The following SPTBN2 variants were observed in gnomAD, a reference collection of about 807,000 sequenced individuals.
SPTBN2 encodes spectrin beta chain, non-erythrocytic 2.
SPTBN2 carries 107 observed loss-of-function variants against 284.2 expected under a neutral mutation model. The ratio of observed to expected loss-of-function variants is 0.38; its 90% confidence interval spans 0.32 to 0.44. The LOEUF (loss-of-function observed/expected upper bound fraction) is 0.44. Ranked by LOEUF, SPTBN2 falls within the 20% of genes least tolerant of loss-of-function variation. SPTBN2 has a pLI of 1.00. For missense variants in SPTBN2, 2,569 were observed against 3,287.1 expected (o/e 0.78, Z 5.34); for synonymous variants, 1,289 against 1,354.8 (o/e 0.95, Z 1.07).
chr11:66,707,712 G>T lies in SPTBN2; in HGVS notation c.1457C>A (p.Ala486Asp), dbSNP rs763948508. The change falls in exon 13 of 38, where the codon GCC becomes GAC. Residue 486 changes from alanine to aspartate, a missense_variant. Coordinates refer to ENST00000533211, the MANE Select transcript of SPTBN2 (RefSeq NM_006946.4). The surrounding 1 kb of genome is among the most constrained non-coding windows in gnomAD (Gnocchi z 4.9). ...AYSGRVQAVD[A>D]VAAELAAERY... ...CTCGGCGGCCAGCTCTGCAGCCACG[G>T]CGTCCACTGCCTGCACCCGGCCGCT... 2.9e-5 allele frequency: 46 copies of T among 1,605,044 alleles called. No homozygotes were observed. Among genetic ancestry groups the T allele is most frequent in the Non-Finnish European group, 3.7e-5 (44 of 1,178,758 alleles).
chr11:66,688,918 G>A (rs999573055), intron 30 of SPTBN2, 69 bp from the exon 31 acceptor site: 73 of 1,567,432 alleles, frequency 4.7e-5, no homozygotes, highest in East Asian at 2.2e-4. Flanking sequence ...AGTGGCCATG[G>A]CAACCTCAAG....
At position 66,688,242 on chromosome 11, in the gene SPTBN2, G is replaced by C. The variant is rs780592625; in HGVS notation, c.6301C>G (p.Pro2101Ala). ...GGAGGCACACTGGCTGTGGGTTCGG[G>C]AGCAGGCGGCTGTTTCCGCCGCTCC... ...EEERRKQPPA[P>A]EPTASVPPGD... Residue 2101 changes from proline to alanine, a missense_variant, in exon 32 of 38, where the codon CCC becomes GCC. This residue lies in a region of SPTBN2 where 1,130 missense variants were observed against 1,317.3 expected (regional missense o/e 0.86). Transcript: ENST00000533211. The C allele has an allele frequency of 6.2e-7, 1 of 1,613,382 alleles. No homozygotes were observed. Among genetic ancestry groups the C allele is most frequent in the Non-Finnish European group, 8.5e-7 (1 of 1,179,934 alleles).
intron 1 of SPTBN2, among the ~76,000 whole-genome samples, chr11:66,742,574 G>C (rs1040326343): frequency 6.6e-6 from 1 of 152,028 alleles, no homozygotes; most frequent in African/African-American, 2.4e-5. Flanking sequence ...CCATTCTCAA[G>C]GTGGAGCATT....
At chr11:66,723,355 GTC>G (rs1942505360) in intron 1 of SPTBN2, among the ~76,000 whole-genome samples, 1 of 152,066 alleles carries the variant, frequency 6.6e-6, no homozygotes, top group South Asian at 2.1e-4. Context: ...CAGGGCTGTA[GTC>G]TCGGTAGTCT....
intron 8 of SPTBN2, among the ~76,000 whole-genome samples, chr11:66,711,862 C>G (rs1456197691): frequency 1.3e-5 from 2 of 152,244 alleles, no homozygotes; most frequent in Non-Finnish European, 2.9e-5. Flanking sequence ...ATGTCTGTTG[C>G]TAGCTCGCTG....
In SPTBN2 at chr11:66,687,668, G is replaced by A. The variant is rs768176183; in HGVS notation, c.6502-21C>T. On this transcript the variant is annotated intron_variant, in intron 34 of 37. Coordinates refer to ENST00000533211, the MANE Select transcript of SPTBN2 (RefSeq NM_006946.4). The surrounding 1 kb of genome is among the most constrained non-coding windows in gnomAD (Gnocchi z 5.2). ...GGTCCCTGGGGGGGAATCAGTGTCA[G>A]TGTCAAAGGTTGAGACGGGAGATCC... 1 of 1,581,372 alleles carries A rather than the reference G, an allele frequency of 6.3e-7. No individual in the cohort carries two copies. Among genetic ancestry groups the A allele is most frequent in the African/African-American group, 1.3e-5 (1 of 74,342 alleles).
chr11:66,714,382 TCTGTCTC>T lies in SPTBN2; in HGVS notation c.502_508del (p.Glu168LysfsTer19). On this transcript the variant is annotated frameshift_variant, in exon 6 of 38. Coordinates refer to ENST00000533211, the MANE Select transcript of SPTBN2 (RefSeq NM_006946.4). LOFTEE classifies it high-confidence loss of function. The stretch of plus-strand genomic sequence containing the variant: ...GGCTGACTTCTTCTCCTTGTTGTCT[TCTGTCTC>T]CACACTGATGTCTTGGATCTAGGAA... 1.2e-6 allele frequency: 2 copies of T among 1,614,018 alleles called. No homozygotes were observed. The highest frequency in any genetic ancestry group is 1.7e-6 in the Non-Finnish European group (2 of 1,179,964).
In SPTBN2 at chr11:66,710,577, C is replaced by G. The variant is rs375955100; in HGVS notation, c.1073+5G>C. On this transcript the variant is annotated splice_donor_5th_base_variant and intron_variant, in intron 10 of 37. Transcript: ENST00000533211. The surrounding 1 kb of genome is among the most constrained non-coding windows in gnomAD (Gnocchi z 4.9). ...AGGGAAGGGTGGGGCCCCAGGGACA[C>G]CTACTTGGGCGGCTTCTCCACGGTG... The G allele has an allele frequency of 6.2e-7, 1 of 1,613,054 alleles. No individual in the cohort carries two copies. The highest frequency in any genetic ancestry group is 8.5e-7 in the Non-Finnish European group (1 of 1,179,700).
At position 66,683,841 on chromosome 11, in the gene SPTBN2, C is replaced by A. The variant is rs903002113; in HGVS notation, c.*2030G>T. ...TGCAAATACCTAGATTCCCTGAGCA[C>A]CCCCAAGGTATGACTGTCTCTTCAG... is the stretch of plus-strand genomic sequence containing the variant. On this transcript the variant is annotated 3_prime_UTR_variant, in exon 38 of 38. Coordinates refer to ENST00000533211, the MANE Select transcript of SPTBN2 (RefSeq NM_006946.4). Among the ~76,000 whole-genome samples, 11 of 152,224 alleles carry A rather than the reference C, an allele frequency of 7.2e-5. No homozygotes were observed. The highest frequency in any genetic ancestry group is 2.7e-4 in the African/African-American group (11 of 41,452).
chr11:66,695,271 T>A (rs554720435), intron 21 of SPTBN2, among the ~76,000 whole-genome samples: 1 of 152,352 alleles, frequency 6.6e-6, no homozygotes, highest in Admixed American at 6.5e-5. Context: ...TTAAAAAATT[T>A]TTTGAGACAA....
At position 66,710,444 on chromosome 11, in the gene SPTBN2, T is replaced by C. The variant is rs955758478; in HGVS notation, c.1073+138A>G. Reference sequence around the variant, plus strand: ...AAATTTTATTTTGTATCAACTATGTTGTTTGGATGCTTCTGGTGTGGGAAA... The same window carrying C: ...AAATTTTATTTTGTATCAACTATGTCGTTTGGATGCTTCTGGTGTGGGAAA... On this transcript the variant is annotated intron_variant, in intron 10 of 37. Transcript: ENST00000533211. This position sits in a 1 kb window ranked among gnomAD's most constrained non-coding sequence, Gnocchi z 4.9. 3.4e-5 allele frequency: 29 copies of C among 865,476 alleles called. No individual in the cohort carries two copies. The highest frequency in any genetic ancestry group is 3.5e-4 in the Middle Eastern group (1 of 2,888). 53.6% of individuals were successfully genotyped at this position (865,476 alleles called of 1,614,324 possible). A position where few individuals can be genotyped will look rare whatever the true frequency, so the allele number is the denominator to read the frequency against.
Position 66,686,427 on chromosome 11 carries a change from T to C in SPTBN2, c.6910A>G (p.Lys2304Glu). 6.2e-7 allele frequency: 1 copy of C among 1,614,046 alleles called. No individual in the cohort carries two copies. The change falls in exon 37 of 38, where the codon AAA becomes GAA. Residue 2304 changes from lysine to glutamate, a missense_variant. This residue lies in a region of SPTBN2 where 1,130 missense variants were observed against 1,317.3 expected (regional missense o/e 0.86). Transcript: ENST00000533211. ...TCCTTGGCCTGGAATAAATATTCTT[T>C]TCCATCCTGTAAGCTGTTGGGAGAG... Reference protein sequence around the residue: ...HVFKLGLQDGKEYLFQAKDEA... With the variant: ...HVFKLGLQDGEEYLFQAKDEA...
intron 32 of SPTBN2, 38 bp from the exon 33 acceptor site, chr11:66,688,117 T>C (rs1160874520): frequency 6.2e-7 from 1 of 1,613,628 alleles, no homozygotes; most frequent in Admixed American, 1.7e-5. Flanking sequence ...CATTAGTCCC[T>C]GGGTGGCCTG....
intron 6 of SPTBN2, 51 bp from the exon 7 acceptor site, chr11:66,714,222 GACTCCAGGGCAGTCACCAGCTCATGGTTC>G: frequency 6.2e-7 from 1 of 1,608,956 alleles, no homozygotes; most frequent in African/African-American, 1.3e-5. Context: ...TCTGTTCTAT[GACTCCAGGGCAGTCACCAGCTCATGGTTC>G]CTGGAGCCCA....
intron 21 of SPTBN2, 132 bp downstream of exon 21, chr11:66,696,145 G>A (rs1455699985): frequency 2.6e-6 from 3 of 1,173,410 alleles, no homozygotes; most frequent in Non-Finnish European, 3.7e-6. Context: ...GATACTGGCT[G>A]CCCAAAGAAA....
rs145439505 is a variant in SPTBN2 at position 66,735,275 on chromosome 11, G to A, written c.-474-6083C>T. Among the ~76,000 whole-genome samples, 452 of 151,752 alleles carry A rather than the reference G, an allele frequency of 3.0e-3. 1 individual carries two copies. Among genetic ancestry groups the A allele is most frequent in the Middle Eastern group, 6.8e-3 (2 of 294 alleles). On this transcript the variant is annotated intron_variant, in intron 1 of 37. Coordinates refer to the SPTBN2 transcript ENST00000611817. The stretch of plus-strand genomic sequence containing the variant: ...TTGAACCCAGGAGGCAGAAGTTGCA[G>A]TGAGTCGAGATTGTGCCACTACACT...
chr11:66,738,789 C>T (rs1227674126), intron 1 of SPTBN2, among the ~76,000 whole-genome samples: 1 of 152,036 alleles, frequency 6.6e-6, no homozygotes, highest in African/African-American at 2.4e-5. Context: ...GCTGGGATTA[C>T]AGGCGTGAGC....
At chr11:66,695,871 G>C (rs1219956081) in intron 21 of SPTBN2, among the ~76,000 whole-genome samples, 1 of 151,768 alleles carries the variant, frequency 6.6e-6, no homozygotes, top group East Asian at 1.9e-4. Context: ...CAAGTAGCTG[G>C]GATAACAGGC....
chr11:66,694,928 A>G (rs999583676), intron 21 of SPTBN2, among the ~76,000 whole-genome samples: 2 of 152,230 alleles, frequency 1.3e-5, no homozygotes, highest in Non-Finnish European at 2.9e-5. Context: ...AAAACTGTCC[A>G]CAGTGCGCAA....
Sources: allele counts gnomAD v4.1 joint callset (sites outside exome capture counted in the v4.1 genomes callset), GRCh38; gene constraint gnomAD v4.1.1; regional missense constraint gnomAD v4.1.1; non-coding constraint Gnocchi (gnomAD v3.1); transcripts MANE v1.5; gene names NCBI Gene and HGNC (gene_info 2026-07-23, HGNC 2026-07-21).